The following SYT16 variants were observed in gnomAD, a reference collection of about 807,000 sequenced individuals.
SYT16 encodes the protein synaptotagmin-16.
A neutral mutation model predicts 61.4 loss-of-function variants in SYT16; 42 were observed. The observed-to-expected ratio is 0.68, with a 90% CI of 0.53 to 0.89. The LOEUF (loss-of-function observed/expected upper bound fraction) is 0.89. Ranked by LOEUF, SYT16 falls within the 40% of genes least tolerant of loss-of-function variation. The pLI is 0.00. For missense variants in SYT16, 804 were observed against 807.3 expected (o/e 1.00, Z 0.05); for synonymous variants, 314 against 302.3 (o/e 1.04, Z -0.40).
At chr14:61,941,466 T>A (rs886500546) in intron 1 of SYT16, among the ~76,000 whole-genome samples, 4 of 152,238 alleles carry the variant, frequency 2.6e-5, no homozygotes, top group African/African-American at 7.2e-5. Flanking sequence ...CTCTCATTCT[T>A]CCCTGAAATC....
intron 1 of SYT16, among the ~76,000 whole-genome samples, chr14:61,917,496 T>C (rs217638): frequency 0.15 from 23,582 of 152,144 alleles, 2,988 homozygotes; most frequent in African/African-American, 0.34. Context: ...GCTATGATCA[T>C]AGAAGCCTAG....
Position 62,104,504 on chromosome 14 carries a change from A to G in SYT16, c.*3797A>G, listed in dbSNP as rs562889197. 5 of 152,350 alleles carry G rather than the reference A, an allele frequency of 3.3e-5. No individual in the cohort carries two copies. The highest frequency in any genetic ancestry group is 7.2e-5 in the African/African-American group (3 of 41,586). The allele number at this position is 152,350 out of a possible 1,614,324, so 9.4% of individuals were successfully genotyped here. A position where few individuals can be genotyped will look rare whatever the true frequency, so the allele number is the denominator to read the frequency against. On this transcript the variant is annotated 3_prime_UTR_variant, in exon 8 of 8. Transcript: ENST00000683842. ...AAAAAGTCATACAGCACACCTATGG[A>G]AGAATTAAAGAATACATAAATGTGC...
At chr14:61,837,312 C>T (rs1350248257) in intron 1 of SYT16, among the ~76,000 whole-genome samples, 1 of 150,350 alleles carries the variant, frequency 6.7e-6, no homozygotes, top group Non-Finnish European at 1.5e-5. Context: ...TCTTGGTTCA[C>T]TGCAACCTCT....
rs2057408066 is a variant in SYT16, at chr14:62,101,117, T to C, written c.*410T>C. 1 of 158,180 alleles carries C rather than the reference T, an allele frequency of 6.3e-6. No homozygotes were observed. Among genetic ancestry groups the C allele is most frequent in the African/African-American group, 2.4e-5 (1 of 41,548 alleles). The allele number at this position is 158,180 out of a possible 1,614,324, so 9.8% of individuals were successfully genotyped here. ...GGTGGATGAATCAGAATTTTCTTAATATGGTACAAAAAACTCCAAAATATA... is the reference window on the plus strand; with the variant it reads ...GGTGGATGAATCAGAATTTTCTTAACATGGTACAAAAAACTCCAAAATATA... On this transcript the variant is annotated 3_prime_UTR_variant, in exon 8 of 8. Transcript: ENST00000683842.
chr14:61,973,576 A>G (rs10145855), intron 2 of SYT16, among the ~76,000 whole-genome samples: 16,990 of 152,132 alleles, frequency 0.11, 1,019 homozygotes, highest in Middle Eastern at 0.15. Context: ...TTTCACAGTG[A>G]GACAATAGTT....
rs139147236 is a variant in SYT16 at position 61,826,852 on chromosome 14, A to C, written c.-325+14042A>C. Among the ~76,000 whole-genome samples, 656 of 152,104 alleles carry C rather than the reference A, an allele frequency of 4.3e-3. 6 individuals are homozygous for C. The highest frequency in any genetic ancestry group is 0.017 in the Middle Eastern group (5 of 294). On this transcript the variant is annotated intron_variant, in intron 1 of 7. Coordinates refer to ENST00000683842, the MANE Select transcript of SYT16 (RefSeq NM_001367656.1). Reference sequence around the variant, plus strand: ...AGGAGGGTTGGTGTTTGCTGAGGCCAAACACAACTTATAAATACCCCAACC... The same window carrying C: ...AGGAGGGTTGGTGTTTGCTGAGGCCCAACACAACTTATAAATACCCCAACC...
At chr14:61,917,508 T>C (rs2049166644) in intron 1 of SYT16, among the ~76,000 whole-genome samples, 1 of 152,170 alleles carries the variant, frequency 6.6e-6, no homozygotes, top group Non-Finnish European at 1.5e-5. Context: ...GAAGCCTAGT[T>C]ACCCCTTAAG....
At chr14:61,932,153 C>T (rs1162685725) in intron 1 of SYT16, among the ~76,000 whole-genome samples, 8 of 152,168 alleles carry the variant, frequency 5.3e-5, no homozygotes, top group Admixed American at 2.6e-4. Flanking sequence ...CCTTCATAAC[C>T]GAGATACCCT....
chr14:61,934,227 A>T (rs879132855), intron 1 of SYT16, among the ~76,000 whole-genome samples: 1 of 152,088 alleles, frequency 6.6e-6, no homozygotes, highest in East Asian at 1.9e-4. Context: ...TCATTTTGAC[A>T]TTTAGTTGAT....
chr14:62,054,378 G>A (rs1403849829), intron 3 of SYT16, among the ~76,000 whole-genome samples: 1 of 63,686 alleles, frequency 1.6e-5, no homozygotes, highest in East Asian at 5.2e-4. Context: ...TTTTTTTTTT[G>A]GAGATAGGGT....
chr14:61,925,225 T>C (rs959878691), intron 1 of SYT16, among the ~76,000 whole-genome samples: 1 of 152,156 alleles, frequency 6.6e-6, no homozygotes, highest in Non-Finnish European at 1.5e-5. Context: ...TTCAATTCTC[T>C]TCCTTCCCTC....
chr14:61,926,552 G>T (rs1005205603), intron 1 of SYT16, among the ~76,000 whole-genome samples: 2 of 152,146 alleles, frequency 1.3e-5, no homozygotes, highest in African/African-American at 4.8e-5. Context: ...ATTAAGGTCA[G>T]TTGGAAGGAC....
At chr14:61,975,464 C>T (rs2051748863) in intron 2 of SYT16, among the ~76,000 whole-genome samples, 1 of 152,182 alleles carries the variant, frequency 6.6e-6, no homozygotes, top group Non-Finnish European at 1.5e-5. Flanking sequence ...CACGGTTCAG[C>T]ATGTCTGTAG....
At chr14:61,890,818 CATGTGGGGGTTGGCTGGTGA>C (rs1376023418) in intron 1 of SYT16, among the ~76,000 whole-genome samples, 3 of 152,130 alleles carry the variant, frequency 2.0e-5, no homozygotes, top group Non-Finnish European at 4.4e-5. Flanking sequence ...TGGCTTCCTG[CATGTGGGGGTTGGCTGGTGA>C]ATGAGGAAAA....
At chr14:61,823,645 G>A (rs145548492) in intron 1 of SYT16, among the ~76,000 whole-genome samples, 5 of 151,710 alleles carry the variant, frequency 3.3e-5, no homozygotes, top group Admixed American at 2.0e-4. Context: ...CTAGGTACTC[G>A]GGAGGATGAG....
chr14:62,080,000 C>T (rs538031971), intron 5 of SYT16, among the ~76,000 whole-genome samples: 2 of 152,244 alleles, frequency 1.3e-5, no homozygotes, highest in East Asian at 1.9e-4. Flanking sequence ...AACAACACAC[C>T]AGCAAGTAGG....
chr14:61,948,744 AG>A (rs766999280), intron 1 of SYT16, among the ~76,000 whole-genome samples: 5 of 152,244 alleles, frequency 3.3e-5, no homozygotes, highest in Non-Finnish European at 7.3e-5. Context: ...AAGTGGGAAC[AG>A]TACCAAGCTC....
rs929247052 is a variant in SYT16 at position 62,105,978 on chromosome 14, T to G, written c.*5271T>G. ...ATGTAGGGAAGGTGAAGGAGTTAGA[T>G]GGGAGGTAAGAAGGCTGAGGAGATT... On this transcript the variant is annotated 3_prime_UTR_variant, in exon 8 of 8. Transcript: ENST00000683842. The G allele has an allele frequency of 6.6e-6, 1 of 152,058 alleles. No homozygotes were observed. Among genetic ancestry groups the G allele is most frequent in the Admixed American group, 6.6e-5 (1 of 15,250 alleles). 9.4% of individuals were successfully genotyped at this position (152,058 alleles called of 1,614,324 possible).
intron 5 of SYT16, 22 bp downstream of exon 5, chr14:62,075,413 C>CT: frequency 1.3e-6 from 2 of 1,579,844 alleles, no homozygotes; most frequent in East Asian, 4.5e-5. Context: ...GTTTTTCATT[C>CT]TTTCATTGGT....
Sources: gnomAD v4.1 joint callset for allele counts (sites outside exome capture counted in the v4.1 genomes callset) on GRCh38, gnomAD v4.1.1 for gene constraint, MANE v1.5 for transcripts, NCBI Gene and HGNC (gene_info 2026-07-23, HGNC 2026-07-21) for gene names.